THBS2: variants seen among roughly 807,000 people sequenced by gnomAD.
The protein encoded by THBS2 is thrombospondin 2.
THBS2 carries 47 observed loss-of-function variants against 135.2 expected under a neutral mutation model. That is an observed-to-expected ratio of 0.35 (90% CI 0.28 to 0.44). THBS2 has a LOEUF of 0.44. Ranked by LOEUF, THBS2 falls within the 20% of genes least tolerant of loss-of-function variation. THBS2 has a pLI of 1.00. For synonymous variants in THBS2, 639 were observed against 633.8 expected, an observed-to-expected ratio of 1.01 and a Z score of -0.12; for missense variants, 1,288 against 1,603.1, an observed-to-expected ratio of 0.80 and a Z score of 3.36.
intron 3 of THBS2, among the ~76,000 whole-genome samples, chr6:169,247,712 A>G (rs1218983585): frequency 6.6e-6 from 1 of 150,820 alleles, no homozygotes; most frequent in Non-Finnish European, 1.5e-5. Context: ...GTGCTTACAT[A>G]TGGTTGTGTG....
Position 169,241,803 on chromosome 6 carries a change from G to A in THBS2, c.850C>T (p.His284Tyr), listed in dbSNP as rs1163199784. 1 of 1,612,166 alleles carries A rather than the reference G, an allele frequency of 6.2e-7. No individual in the cohort carries two copies. The highest frequency in any genetic ancestry group is 1.1e-5 in the South Asian group (1 of 91,048). ...GNMVQELSGL[H>Y]VLVNQLSENL... is the part of the protein sequence containing the mutation. ...TCGCTGAGCTGGTTCACGAGGACGT[G>A]GAGCCCCGAGAGCTCCTGGACCATG... is the stretch of plus-strand genomic sequence containing the variant. The change falls in exon 5 of 22, where the codon CAC becomes TAC. Residue 284 changes from histidine to tyrosine, a missense_variant. This residue lies in a region of THBS2 where 414 missense variants were observed against 447.0 expected (regional missense o/e 0.93). Transcript: ENST00000617924. This position sits in a 1 kb window ranked among gnomAD's most constrained non-coding sequence, Gnocchi z 5.5.
At chr6:169,222,651 C>T (rs890132172) in intron 18 of THBS2, among the ~76,000 whole-genome samples, 183 bp from the exon 19 acceptor site, 23 of 151,856 alleles carry the variant, frequency 1.5e-4, no homozygotes, top group African/African-American at 5.1e-4. Flanking sequence ...AAAAATTAGC[C>T]GGGCATGGTG....
chr6:169,247,463 GTGTA>G (rs1256259942), intron 3 of THBS2, among the ~76,000 whole-genome samples: 1 of 152,202 alleles, frequency 6.6e-6, no homozygotes, highest in East Asian at 1.9e-4. Context: ...ATTTGTGCAT[GTGTA>G]TGTGTGTGTA....
Position 169,217,839 on chromosome 6 carries a change from GAAAA to G in THBS2, c.3512-14_3512-11del. The G allele has an allele frequency of 6.4e-7, 1 of 1,568,866 alleles. No homozygotes were observed. ...AATCTTGTTTAAATATCTACAAAAA[GAAAA>G]AAAAAAGCAATAAACAATTAGCATA... On this transcript the variant is annotated splice_polypyrimidine_tract_variant and intron_variant, in intron 21 of 21. Coordinates refer to ENST00000617924, the MANE Select transcript of THBS2 (RefSeq NM_003247.5).
chr6:169,220,408 A>T, intron 20 of THBS2, 71 bp from the exon 21 acceptor site: 1 of 1,544,314 alleles, frequency 6.5e-7, no homozygotes, highest in Non-Finnish European at 8.8e-7. Flanking sequence ...TTCACCAGTG[A>T]TGGAAGGTTG....
intron 4 of THBS2, among the ~76,000 whole-genome samples, chr6:169,245,809 A>G (rs1780538374): frequency 6.6e-6 from 1 of 150,424 alleles, no homozygotes; most frequent in Non-Finnish European, 1.5e-5. Flanking sequence ...AAAAAAAAAA[A>G]GAAAACTTCT....
Position 169,222,434 on chromosome 6 carries a change from G to A in THBS2, c.3036C>T (p.Gly1012=). The change falls in exon 19 of 22, where the codon GGC becomes GGT. Residue 1012 remains glycine (G), a synonymous_variant. Transcript: ENST00000617924. ...FDEFGSVDFS[G]TFYVNTDRDD... ...CCCGGTCAGTGTTTACGTAGAATGT[G>A]CCACTGAAGTCCACAGACCCAAACT... The A allele has an allele frequency of 6.2e-7, 1 of 1,613,784 alleles. No homozygotes were observed. Among genetic ancestry groups the A allele is most frequent in the Non-Finnish European group, 8.5e-7 (1 of 1,180,026 alleles).
chr6:169,222,211 T>C lies in THBS2; in HGVS notation c.3259A>G (p.Asn1087Asp), dbSNP rs2114974918. Residue 1087 changes from asparagine to aspartate, a missense_variant, in exon 19 of 22, where the codon AAC (asparagine) becomes GAC (aspartate). Around this residue, in one of 2 missense-constraint regions of THBS2, gnomAD observed 874 missense variants for 1,156.1 expected, o/e 0.76. Transcript: ENST00000617924. ...HLRNALWHTG[N>D]TPGQVRTLWH... ...GCCAACCTCACCTGCCCCGGCGTGT[T>C]CCCCGTGTGCCACAGCGCGTTCCTC... is the stretch of plus-strand genomic sequence containing the variant. 6.2e-7 allele frequency: 1 copy of C among 1,608,406 alleles called. No individual in the cohort carries two copies. Among genetic ancestry groups the C allele is most frequent in the East Asian group, 2.2e-5 (1 of 44,770 alleles).
intron 4 of THBS2, among the ~76,000 whole-genome samples, chr6:169,244,156 T>A (rs1373467102): frequency 7.2e-6 from 1 of 138,054 alleles, no homozygotes; most frequent in Non-Finnish European, 1.5e-5. Flanking sequence ...AGATCTAGAT[T>A]TCTCTGTGTT....
At position 169,237,321 on chromosome 6, in the gene THBS2, G is replaced by A; in HGVS notation, c.1326C>T (p.His442=). ...CAGAGCATGAAGACCAAGGTGACCAGTGGCTCCAGCCGCCGTCCTGCCGGA... is the reference window on the plus strand; with the variant it reads ...CAGAGCATGAAGACCAAGGTGACCAATGGCTCCAGCCGCCGTCCTGCCGGA... ...TRIRQDGGWS[H]WSPWSSCSVT... The change falls in exon 9 of 22, where the codon CAC becomes CAT. Residue 442 remains histidine (H), a synonymous_variant. Coordinates refer to ENST00000617924, the MANE Select transcript of THBS2 (RefSeq NM_003247.5). 1 of 1,613,328 alleles carries A rather than the reference G, an allele frequency of 6.2e-7. No homozygotes were observed. Among genetic ancestry groups the A allele is most frequent in the East Asian group, 2.2e-5 (1 of 44,890 alleles).
intron 6 of THBS2, among the ~76,000 whole-genome samples, chr6:169,239,904 T>A (rs9294979): frequency 0.083 from 12,688 of 152,224 alleles, 639 homozygotes; most frequent in South Asian, 0.13. Flanking sequence ...GCTCTTTGCA[T>A]CCATTCCATT....
At chr6:169,239,263 T>C (rs55932994) in intron 7 of THBS2, 106,531 of 344,376 alleles carry the variant, frequency 0.31, 17,086 homozygotes, top group South Asian at 0.37. Flanking sequence ...CATAACACAG[T>C]CACAGATCTA....
intron 2 of THBS2, among the ~76,000 whole-genome samples, chr6:169,249,831 C>G (rs1270933729): frequency 1.3e-5 from 2 of 152,126 alleles, no homozygotes; most frequent in Non-Finnish European, 2.9e-5. Flanking sequence ...GAGACGGAGA[C>G]CATCATGGCT....
intron 5 of THBS2, 41 bp from the exon 6 acceptor site, chr6:169,240,633 C>T: frequency 1.2e-6 from 2 of 1,600,276 alleles, no homozygotes; most frequent in Non-Finnish European, 1.7e-6. Context: ...GACAATAATA[C>T]TACATATTTA....
chr6:169,251,610 A>G (rs1484002650), intron 1 of THBS2, among the ~76,000 whole-genome samples: 1 of 152,156 alleles, frequency 6.6e-6, no homozygotes, highest in African/African-American at 2.4e-5. Context: ...AATTGGTCAC[A>G]CCCTGCTCTA....
intron 4 of THBS2, chr6:169,245,990 G>C (rs183403519): frequency 1.6e-5 from 7 of 424,470 alleles, no homozygotes; most frequent in African/African-American, 1.2e-4. Context: ...AAAATTAACT[G>C]TTTAATCAAT....
At chr6:169,221,375 G>GC in intron 20 of THBS2, 55 bp downstream of exon 20, 1 of 1,496,344 alleles carries the variant, frequency 6.7e-7, no homozygotes, top group Non-Finnish European at 9.3e-7. Flanking sequence ...GTTCAAATGT[G>GC]CCGTCCGATG....
At chr6:169,235,436 T>C (rs1474073920) in intron 9 of THBS2, among the ~76,000 whole-genome samples, 1 of 151,868 alleles carries the variant, frequency 6.6e-6, no homozygotes, top group Non-Finnish European at 1.5e-5. Flanking sequence ...TCACAGGCAG[T>C]TCCCATGAGG....
chr6:169,248,116 A>G (rs1780617333), intron 3 of THBS2, among the ~76,000 whole-genome samples: 1 of 151,116 alleles, frequency 6.6e-6, no homozygotes. Context: ...GTGAGTGCAT[A>G]TGCAGTGTTT....
Sources: gnomAD v4.1 joint callset for allele counts (sites outside exome capture counted in the v4.1 genomes callset) on GRCh38, gnomAD v4.1.1 for gene constraint, gnomAD v4.1.1 regional missense constraint, Gnocchi (gnomAD v3.1) non-coding constraint, MANE v1.5 for transcripts, NCBI Gene and HGNC (gene_info 2026-07-23, HGNC 2026-07-21) for gene names.